Variants in LIPI observed in about 807,000 individuals in gnomAD.
LIPI encodes lipase I, also known as lipase member I.
Under a neutral mutation model 50.6 loss-of-function variants are expected in LIPI, and 59 were observed. That is an observed-to-expected ratio of 1.16 (90% CI 0.94 to 1.45). The LOEUF is 1.45. Ranked by LOEUF, LIPI falls within the 40% of genes most tolerant of loss-of-function variation. The pLI, the probability that LIPI is intolerant of heterozygous loss-of-function variation, is 0.00. For missense variants in LIPI, 586 were observed against 536.3 expected, an observed-to-expected ratio of 1.09 and a Z score of -0.92; for synonymous variants, 203 against 178.2, an observed-to-expected ratio of 1.14 and a Z score of -1.11.
intron 1 of LIPI, among the ~76,000 whole-genome samples, chr21:14,194,973 A>G (rs1318818635): frequency 6.6e-6 from 1 of 152,180 alleles, no homozygotes; most frequent in Non-Finnish European, 1.5e-5. Flanking sequence ...CTGGACAACA[A>G]AAAACACAGA....
At chr21:14,193,183 G>C (rs2019734529) in intron 1 of LIPI, among the ~76,000 whole-genome samples, 1 of 151,906 alleles carries the variant, frequency 6.6e-6, no homozygotes, top group South Asian at 2.1e-4. Context: ...AAAAGATAAT[G>C]ATTTTGGGCT....
intron 9 of LIPI, among the ~76,000 whole-genome samples, chr21:14,140,550 T>C (rs962823696): frequency 6.6e-6 from 1 of 152,052 alleles, no homozygotes; most frequent in African/African-American, 2.4e-5. Context: ...CTGTTTTGGC[T>C]TTCATTATTG....
rs147377388 is a variant in LIPI at position 14,188,662 on chromosome 21, C to T, written c.432+372G>A. Among the ~76,000 whole-genome samples, 115 of 150,640 alleles carry T rather than the reference C, an allele frequency of 7.6e-4. 1 individual carries two copies. In the East Asian group the frequency reaches 0.022, roughly 28 times the overall value. On this transcript the variant is annotated intron_variant, in intron 2 of 9. Transcript: ENST00000681601. The stretch of plus-strand genomic sequence containing the variant: ...TTTTAGCCGTATATTTTAAAAGATA[C>T]CTGAAGATTGTAATAATTATAAAGT...
chr21:14,181,879 T>G lies in LIPI; in HGVS notation c.542-20A>C, dbSNP rs377507652. On this transcript the variant is annotated intron_variant, in intron 3 of 9. Transcript: ENST00000681601. The stretch of plus-strand genomic sequence containing the variant: ...CAAGACCTGGAAAGCAAGAAAGAAA[T>G]AATCAGTCTCATCAAGTCCACAGAG... 2 of 1,397,274 alleles carry G rather than the reference T, an allele frequency of 1.4e-6. No homozygotes were observed. Among genetic ancestry groups the G allele is most frequent in the South Asian group, 1.2e-5 (1 of 85,912 alleles). 86.6% of individuals were successfully genotyped at this position (1,397,274 alleles called of 1,614,324 possible).
At chr21:14,201,535 G>A (rs142819548) in intron 1 of LIPI, among the ~76,000 whole-genome samples, 122 of 152,052 alleles carry the variant, frequency 8.0e-4, no homozygotes, top group African/African-American at 2.0e-3. Context: ...TTCAACATAC[G>A]CAAATCAATA....
chr21:14,152,827 G>A (rs1028196794), intron 7 of LIPI, 143 bp from the exon 8 acceptor site: 11 of 524,818 alleles, frequency 2.1e-5, no homozygotes, highest in Middle Eastern at 5.1e-4. Context: ...ATTATTGAGA[G>A]GACTCATTTG....
chr21:14,183,849 G>T (rs554399892), intron 3 of LIPI, among the ~76,000 whole-genome samples: 4 of 152,332 alleles, frequency 2.6e-5, no homozygotes, highest in African/African-American at 9.6e-5. Context: ...AGGATGTGGA[G>T]AAATAGGAAT....
At chr21:14,181,221 T>G (rs891713112) in intron 4 of LIPI, among the ~76,000 whole-genome samples, 7 of 152,168 alleles carry the variant, frequency 4.6e-5, no homozygotes, top group Non-Finnish European at 1.0e-4. Flanking sequence ...TTCTTAAAAG[T>G]GTCTGTTCAA....
chr21:14,133,503 C>A (rs1484422340), intron 9 of LIPI, among the ~76,000 whole-genome samples: 1 of 152,174 alleles, frequency 6.6e-6, no homozygotes, highest in African/African-American at 2.4e-5. Flanking sequence ...AAATGACAGA[C>A]TCACAGCCAG....
intron 1 of LIPI, among the ~76,000 whole-genome samples, chr21:14,189,646 T>A (rs2019595907): frequency 1.3e-5 from 2 of 152,100 alleles, no homozygotes; most frequent in South Asian, 4.1e-4. Context: ...GTTAAAAAAT[T>A]AAGAAGAGAT....
chr21:14,109,822 A>G (rs190460445), intron 9 of LIPI, among the ~76,000 whole-genome samples: 84 of 151,888 alleles, frequency 5.5e-4, no homozygotes, highest in African/African-American at 2.0e-3. Context: ...ATTTTACCAA[A>G]GCCTTTGAGA....
intron 4 of LIPI, among the ~76,000 whole-genome samples, chr21:14,181,357 T>A (rs1008483491): frequency 3.3e-5 from 5 of 152,180 alleles, no homozygotes; most frequent in Non-Finnish European, 7.3e-5. Context: ...AAATGCTGTG[T>A]TCAGTTCTAG....
At chr21:14,184,442 G>A (rs1033268710) in intron 3 of LIPI, among the ~76,000 whole-genome samples, 39 of 151,900 alleles carry the variant, frequency 2.6e-4, no homozygotes, top group Admixed American at 1.4e-3. Flanking sequence ...AAACCTGCAC[G>A]TTGTGCACAT....
chr21:14,196,694 T>C (rs2019872345), intron 1 of LIPI, among the ~76,000 whole-genome samples: 1 of 151,902 alleles, frequency 6.6e-6, no homozygotes, highest in African/African-American at 2.4e-5. Flanking sequence ...GGTCTGGTAG[T>C]GCACACCTGT....
chr21:14,175,215 A>G lies in LIPI; in HGVS notation c.643+6543T>C, dbSNP rs188315319. ...ACATACCTAGGAGTGGAATTGTTAT[A>G]GATTATGAGTATCTTTGATTTTAAT... is the stretch of plus-strand genomic sequence containing the variant. On this transcript the variant is annotated intron_variant, in intron 4 of 9. Coordinates refer to ENST00000681601, the MANE Select transcript of LIPI (RefSeq NM_001302998.2). 9.2e-5 allele frequency among the ~76,000 whole-genome samples: 14 copies of G among 152,344 alleles called. No homozygotes were observed. The East Asian group carries it at 2.7e-3, about 29-fold the overall frequency.
chr21:14,164,520 C>A (rs1298079004), intron 6 of LIPI, among the ~76,000 whole-genome samples: 2 of 152,160 alleles, frequency 1.3e-5, no homozygotes, highest in African/African-American at 4.8e-5. Context: ...ATTCCTCGAA[C>A]CCCTTTGGCT....
chr21:14,140,594 AT>A (rs1320198601), intron 9 of LIPI, among the ~76,000 whole-genome samples: 2 of 145,954 alleles, frequency 1.4e-5, no homozygotes, highest in African/African-American at 2.4e-5. Flanking sequence ...ATTTTCCTCC[AT>A]TTTTTTGTTT....
intron 1 of LIPI, among the ~76,000 whole-genome samples, chr21:14,196,495 TA>T (rs1198729565): frequency 6.6e-6 from 1 of 152,168 alleles, no homozygotes; most frequent in Non-Finnish European, 1.5e-5. Context: ...ATGGTTGTTA[TA>T]TAAGTGCACA....
intron 6 of LIPI, among the ~76,000 whole-genome samples, chr21:14,164,368 A>G (rs567142972): frequency 1.3e-5 from 2 of 152,232 alleles, no homozygotes; most frequent in Non-Finnish European, 2.9e-5. Flanking sequence ...CTAATCCCAC[A>G]TGGTGTCTTA....
Sources: allele counts gnomAD v4.1 joint callset (sites outside exome capture counted in the v4.1 genomes callset), GRCh38; gene constraint gnomAD v4.1.1; transcripts MANE v1.5; gene names NCBI Gene and HGNC (gene_info 2026-07-23, HGNC 2026-07-21).